Variants in AQR observed in about 807,000 individuals in gnomAD.
AQR encodes RNA helicase aquarius.
In AQR, 61 loss-of-function variants were observed where a neutral mutation model predicts 180.5. That is an observed-to-expected ratio of 0.34 (90% confidence interval 0.28 to 0.42). The LOEUF (loss-of-function observed/expected upper bound fraction) is 0.42, where lower values mean the gene tolerates loss of function less well. AQR is among the 10% of genes least tolerant of loss of function. The pLI, the probability that AQR is intolerant of heterozygous loss-of-function variation, is 1.00. For missense variants in AQR, 1,281 were observed against 1,798.3 expected, an observed-to-expected ratio of 0.71 and a Z score of 5.20; for synonymous variants, 551 against 588.8, an observed-to-expected ratio of 0.94 and a Z score of 0.93.
chr15:34,879,841 C>G (rs1207040171), intron 27 of AQR, among the ~76,000 whole-genome samples: 1 of 152,112 alleles, frequency 6.6e-6, no homozygotes, highest in Non-Finnish European at 1.5e-5. Flanking sequence ...AGGGTGGGAT[C>G]AGAAATGAGC....
At chr15:34,871,026 T>C in intron 30 of AQR, 104 bp from the exon 31 acceptor site, 1 of 1,089,318 alleles carries the variant, frequency 9.2e-7, no homozygotes, top group Non-Finnish European at 1.3e-6. Flanking sequence ...CTTTGCACAC[T>C]GCAAGAAGTG....
rs1373062588 is a variant in AQR, at chr15:34,946,955, G to A, written c.330+1309C>T. Among the ~76,000 whole-genome samples the A allele has an allele frequency of 6.8e-5, 10 of 147,476 alleles. No individual in the cohort carries two copies. The South Asian group carries it at 2.0e-3, about 29-fold the overall frequency. On this transcript the variant is annotated intron_variant, in intron 5 of 34. Coordinates refer to ENST00000156471, the MANE Select transcript of AQR (RefSeq NM_014691.3). The stretch of plus-strand genomic sequence containing the variant: ...GTGAGGGGCGCCTCTGCCCGGCCGC[G>A]CCTACTGGGAAGTGAGGAGCCCCTC...
intron 26 of AQR, among the ~76,000 whole-genome samples, chr15:34,883,867 T>C (rs1477396873): frequency 1.3e-5 from 2 of 152,200 alleles, no homozygotes; most frequent in East Asian, 3.9e-4. Flanking sequence ...TAGCTATGAC[T>C]CATTTCACTT....
rs780734524 is a variant in AQR at position 34,920,360 on chromosome 15, A to G, written c.1193T>C (p.Phe398Ser). ...CAATTCTAGAAGAAATTCTTTATCA[A>G]AAGTTGTGTCTTCATTTTTAGGAAG... Reference protein sequence around the residue: ...PTLPKNEDTTFDKEFLLELLV... With the variant: ...PTLPKNEDTTSDKEFLLELLV... Residue 398 changes from phenylalanine (F) to serine (S), a missense_variant, in exon 14 of 35, where the codon TTT becomes TCT. Physicochemically the swap from Phe to Ser is radical, Grantham distance 155. Coordinates refer to ENST00000156471, the MANE Select transcript of AQR (RefSeq NM_014691.3). 9 of 1,612,904 alleles carry G rather than the reference A, an allele frequency of 5.6e-6. No individual in the cohort carries two copies. The African/African-American group carries it at 9.3e-5, about 17-fold the overall frequency.
chr15:34,935,749 G>T (rs1404768099), intron 9 of AQR, among the ~76,000 whole-genome samples: 1 of 152,136 alleles, frequency 6.6e-6, no homozygotes, highest in Non-Finnish European at 1.5e-5. Context: ...ACCTGATAAA[G>T]GTGTAAAGCT....
rs148433662 is a variant in AQR, at chr15:34,858,671, T to C, written c.4143+1371A>G. 1.8e-4 allele frequency among the ~76,000 whole-genome samples: 27 copies of C among 152,324 alleles called. No individual in the cohort carries two copies. In the East Asian group the frequency reaches 5.2e-3, roughly 29 times the overall value. ...ATGAAGAACAAAGCTAAAGGACTTA[T>C]GTTATCTAATTTCCAGACTGACTGT... On this transcript the variant is annotated intron_variant, in intron 34 of 34. Transcript: ENST00000156471.
rs1279407597 is a variant in AQR, at chr15:34,874,987, A to G, written c.3238-123T>C. 3 of 899,884 alleles carry G rather than the reference A, an allele frequency of 3.3e-6. No homozygotes were observed. In the African/African-American group the frequency reaches 5.1e-5, roughly 15 times the overall value. The allele number at this position is 899,884 out of a possible 1,614,324, so 55.7% of individuals were successfully genotyped here. ...ATCTTACAAATTACCAAACTTTACCAGCTCCACAAACAGGAGTCTAGCAAA... is the reference window on the plus strand; with the variant it reads ...ATCTTACAAATTACCAAACTTTACCGGCTCCACAAACAGGAGTCTAGCAAA... On this transcript the variant is annotated intron_variant, in intron 28 of 34. Transcript: ENST00000156471.
intron 23 of AQR, among the ~76,000 whole-genome samples, chr15:34,892,426 T>C (rs928289286): frequency 6.6e-6 from 1 of 152,232 alleles, no homozygotes; most frequent in Non-Finnish European, 1.5e-5. Flanking sequence ...AGTTCTAGTT[T>C]AGTGTAGAAG....
chr15:34,968,483 C>T (rs1011025787), intron 1 of AQR, among the ~76,000 whole-genome samples: 3 of 151,896 alleles, frequency 2.0e-5, no homozygotes, highest in Non-Finnish European at 2.9e-5. Flanking sequence ...TGGTCTCGAT[C>T]TCCTGACCTC....
In AQR at chr15:34,882,629, G is replaced by A; in HGVS notation, c.3038C>T (p.Ala1013Val). 4 of 1,598,314 alleles carry A rather than the reference G, an allele frequency of 2.5e-6. No homozygotes were observed. Among genetic ancestry groups the A allele is most frequent in the Non-Finnish European group, 3.4e-6 (4 of 1,174,150 alleles). Residue 1013 changes from alanine (A) to valine (V), a missense_variant, in exon 27 of 35, where the codon GCC becomes GTC. Physicochemically the swap from Ala to Val is moderately conservative, Grantham distance 64 (BLOSUM62 0). Coordinates refer to ENST00000156471, the MANE Select transcript of AQR (RefSeq NM_014691.3). ...KIFTQLEEFR[A>V]SELLRSGLDR... ...CAGTCCACTTCGAAGCAATTCAGAG[G>A]CTCTGAATTCCTATGGAAACGAGGA...
intron 6 of AQR, chr15:34,943,148 G>T (rs769135506): frequency 1.9e-5 from 30 of 1,611,188 alleles, no homozygotes; most frequent in Non-Finnish European, 2.5e-5. Flanking sequence ...CCCATAAAGT[G>T]ACACAGTACA....
intron 32 of AQR, among the ~76,000 whole-genome samples, chr15:34,864,905 C>A (rs889712991): frequency 1.3e-5 from 2 of 152,114 alleles, no homozygotes; most frequent in African/African-American, 2.4e-5. Flanking sequence ...TGCCACTAGA[C>A]CCTAAAGTCC....
intron 28 of AQR, 80 bp downstream of exon 28, chr15:34,875,855 C>T (rs2290321): frequency 0.54 from 605,670 of 1,129,280 alleles, 171,599 homozygotes; most frequent in Non-Finnish European, 0.59. Flanking sequence ...ATCAGCACAC[C>T]CAAACTGTAC....
At chr15:34,865,028 C>T (rs8030801) in intron 32 of AQR, among the ~76,000 whole-genome samples, 4,315 of 152,124 alleles carry the variant, frequency 0.028, 200 homozygotes, top group African/African-American at 0.093. Context: ...CCAAATACTA[C>T]GAACATAACA....
chr15:34,961,592 G>A (rs533480170), intron 2 of AQR, among the ~76,000 whole-genome samples: 63 of 114,954 alleles, frequency 5.5e-4, no homozygotes, highest in Admixed American at 1.6e-3. Context: ...CCAGCCTGGT[G>A]ATAGAGCGAG....
chr15:34,880,278 C>T (rs981587920), intron 27 of AQR, among the ~76,000 whole-genome samples: 1 of 152,142 alleles, frequency 6.6e-6, no homozygotes, highest in African/African-American at 2.4e-5. Flanking sequence ...CATCCTTTCA[C>T]ATGAAAGATA....
chr15:34,894,015 C>G (rs1484925496), intron 22 of AQR, among the ~76,000 whole-genome samples: 1 of 151,932 alleles, frequency 6.6e-6, no homozygotes. Flanking sequence ...AGAACATTAA[C>G]AAGTCTAACA....
intron 3 of AQR, among the ~76,000 whole-genome samples, chr15:34,954,449 G>T (rs1039664295): frequency 2.0e-5 from 3 of 152,130 alleles, no homozygotes; most frequent in East Asian, 1.9e-4. Context: ...GAGACTACAG[G>T]CATGTGCTAC....
At chr15:34,890,406 A>G in intron 23 of AQR, 82 bp from the exon 24 acceptor site, 2 of 1,186,734 alleles carry the variant, frequency 1.7e-6, no homozygotes, top group South Asian at 1.4e-5. Flanking sequence ...GTTGAAACAC[A>G]GAAGGAAATC....
Sources: allele counts gnomAD v4.1 joint callset (sites outside exome capture counted in the v4.1 genomes callset), GRCh38; gene constraint gnomAD v4.1.1; transcripts MANE v1.5; gene names NCBI Gene and HGNC (gene_info 2026-07-23, HGNC 2026-07-21).